Variants in GPC5 observed in about 807,000 individuals in gnomAD.
GPC5 encodes glypican-5.
Under a neutral mutation model 53.9 loss-of-function variants are expected in GPC5, and 47 were observed. The ratio of observed to expected loss-of-function variants is 0.87; its 90% CI spans 0.69 to 1.11. The LOEUF is 1.11. Among genes scored for constraint, GPC5 ranks in the 50% most tolerant of loss-of-function variants. The pLI is 0.00. For missense variants in GPC5, 748 were observed against 713.1 expected, an observed-to-expected ratio of 1.05 and a Z score of -0.56; for synonymous variants, 286 against 263.3, an observed-to-expected ratio of 1.09 and a Z score of -0.84.
At chr13:92,127,920 T>C (rs574935589) in intron 6 of GPC5, among the ~76,000 whole-genome samples, 1 of 152,284 alleles carries the variant, frequency 6.6e-6, no homozygotes, top group South Asian at 2.1e-4. Context: ...AGGAAATTAT[T>C]GGGTTGATTT....
In GPC5 at chr13:91,434,927, G is replaced by A. The variant is rs554259482; in HGVS notation, c.164-13834G>A. ...CGTCCCTTGTAAGTTGGATTCCTAG[G>A]TATTTTATTCTCTTTGAAGCAATTG... is the stretch of plus-strand genomic sequence containing the variant. On this transcript the variant is annotated intron_variant, in intron 1 of 7. Coordinates refer to ENST00000377067, the MANE Select transcript of GPC5 (RefSeq NM_004466.6). 5.2e-3 allele frequency among the ~76,000 whole-genome samples: 795 copies of A among 152,186 alleles called. 4 individuals are homozygous for A. Among genetic ancestry groups the A allele is most frequent in the South Asian group, 0.026 (125 of 4,830 alleles).
intron 7 of GPC5, among the ~76,000 whole-genome samples, chr13:92,224,400 ACT>A (rs1460160660): frequency 2.0e-5 from 3 of 152,170 alleles, no homozygotes; most frequent in African/African-American, 7.2e-5. Context: ...TGGATTTGTA[ACT>A]CTCAACTGTA....
chr13:91,467,581 C>T (rs1882325229), intron 2 of GPC5, among the ~76,000 whole-genome samples: 1 of 151,934 alleles, frequency 6.6e-6, no homozygotes. Context: ...GGGTTTTTGT[C>T]TATGTTGATG....
chr13:91,667,064 C>T (rs2035132073), intron 2 of GPC5, among the ~76,000 whole-genome samples: 1 of 152,114 alleles, frequency 6.6e-6, no homozygotes, highest in African/African-American at 2.4e-5. Context: ...ACTGGTCTGT[C>T]TTATTAAAGT....
chr13:92,201,031 G>A (rs1003740413), intron 7 of GPC5, among the ~76,000 whole-genome samples: 3 of 151,062 alleles, frequency 2.0e-5, no homozygotes, highest in Middle Eastern at 3.5e-3. Flanking sequence ...GGGAGGTTAC[G>A]CCTTCTCTCT....
At chr13:92,106,374 A>G (rs2041510006) in intron 6 of GPC5, among the ~76,000 whole-genome samples, 1 of 152,072 alleles carries the variant, frequency 6.6e-6, no homozygotes, top group African/African-American at 2.4e-5. Flanking sequence ...ATCTCATTTG[A>G]GCTACATGTA....
At chr13:91,938,116 T>C (rs2039888153) in intron 6 of GPC5, among the ~76,000 whole-genome samples, 1 of 152,166 alleles carries the variant, frequency 6.6e-6, no homozygotes, top group Non-Finnish European at 1.5e-5. Flanking sequence ...CTGTTTTCAT[T>C]GCTAAAAAGG....
intron 1 of GPC5, among the ~76,000 whole-genome samples, chr13:91,440,897 G>T (rs1400824726): frequency 6.6e-6 from 1 of 152,152 alleles, no homozygotes; most frequent in East Asian, 1.9e-4. Context: ...TCAGCCAGAG[G>T]TTGGGCAGAG....
intron 7 of GPC5, among the ~76,000 whole-genome samples, chr13:92,255,987 G>A (rs1433452942): frequency 6.6e-6 from 1 of 151,934 alleles, no homozygotes; most frequent in Non-Finnish European, 1.5e-5. Context: ...AATAATTAAG[G>A]CTTTATATTC....
intron 7 of GPC5, among the ~76,000 whole-genome samples, chr13:92,299,423 A>C (rs2043060299): frequency 6.6e-6 from 1 of 152,216 alleles, no homozygotes; most frequent in African/African-American, 2.4e-5. Flanking sequence ...CCTCCAAAAG[A>C]GAAGTGACTA....
chr13:91,696,282 T>C (rs2035877891), intron 3 of GPC5, among the ~76,000 whole-genome samples: 1 of 152,226 alleles, frequency 6.6e-6, no homozygotes, highest in Non-Finnish European at 1.5e-5. Flanking sequence ...AAGAGAGTGC[T>C]CTTTTTAAAA....
intron 6 of GPC5, among the ~76,000 whole-genome samples, chr13:91,961,982 CAT>C (rs2139076130): frequency 6.6e-6 from 1 of 152,190 alleles, no homozygotes; most frequent in South Asian, 2.1e-4. Context: ...ATGTCAGAAA[CAT>C]TTTTATATCA....
chr13:92,173,743 C>A (rs951962718), intron 7 of GPC5, among the ~76,000 whole-genome samples: 1 of 152,148 alleles, frequency 6.6e-6, no homozygotes, highest in Non-Finnish European at 1.5e-5. Context: ...CTTACTAAGA[C>A]CCTTGATGTA....
intron 7 of GPC5, among the ~76,000 whole-genome samples, chr13:92,454,077 G>A (rs1878172880): frequency 6.6e-6 from 1 of 152,080 alleles, no homozygotes; most frequent in South Asian, 2.1e-4. Context: ...TTAAACATAT[G>A]TTCATGGTTA....
chr13:92,642,228 T>C (rs1885618507), intron 7 of GPC5, among the ~76,000 whole-genome samples: 1 of 151,990 alleles, frequency 6.6e-6, no homozygotes, highest in Non-Finnish European at 1.5e-5. Context: ...ATTGTTGAAG[T>C]AAAAAAAACT....
intron 4 of GPC5, among the ~76,000 whole-genome samples, chr13:91,740,538 G>A (rs890189571): frequency 2.6e-5 from 4 of 152,244 alleles, no homozygotes; most frequent in East Asian, 1.9e-4. Context: ...TTTTGGAGAC[G>A]TAATTGTCCT....
chr13:91,780,447 T>C (rs2037781044), intron 5 of GPC5, among the ~76,000 whole-genome samples: 1 of 152,112 alleles, frequency 6.6e-6, no homozygotes, highest in Admixed American at 6.6e-5. Flanking sequence ...TTATATTTTT[T>C]TAAAAATTTC....
At chr13:92,575,407 T>C (rs1340954023) in intron 7 of GPC5, among the ~76,000 whole-genome samples, 5 of 152,130 alleles carry the variant, frequency 3.3e-5, no homozygotes, top group African/African-American at 4.8e-5. Context: ...ATTGGAGTTA[T>C]GCAGCCACAA....
chr13:92,385,429 C>CATAT (rs1275760317), intron 7 of GPC5, among the ~76,000 whole-genome samples: 4 of 77,182 alleles, frequency 5.2e-5, no homozygotes, highest in African/African-American at 9.2e-5. Context: ...TACATATATA[C>CATAT]ATATATACAT....
Sources: allele counts gnomAD v4.1 joint callset (sites outside exome capture counted in the v4.1 genomes callset), GRCh38; gene constraint gnomAD v4.1.1; transcripts MANE v1.5; gene names NCBI Gene and HGNC (gene_info 2026-07-23, HGNC 2026-07-21).